Variants in SOCS1 observed in about 807,000 individuals in gnomAD.
SOCS1 encodes the protein JAK binding protein.
Under a neutral mutation model 9.7 loss-of-function variants are expected in SOCS1, and 3 were observed. The observed-to-expected ratio is 0.31, with a 90% CI of 0.14 to 0.80. SOCS1 has a LOEUF of 0.80. Ranked by LOEUF, SOCS1 falls within the 30% of genes least tolerant of loss-of-function variation. SOCS1 has a pLI of 0.61. For synonymous variants in SOCS1, 194 were observed against 150.2 expected (o/e 1.29, Z -2.13); for missense variants, 368 against 324.7 (o/e 1.13, Z -1.02).
chr16:11,254,643 C>G lies in SOCS1; in HGVS notation c.*200G>C. On this transcript the variant is annotated 3_prime_UTR_variant, in exon 2 of 2. Transcript: ENST00000332029. ...CAACCAGGGGGACCCAGAGGGAGCA[C>G]CAGGAGGGGGAGGACCCCCTCAAGA... 1 of 638,200 alleles carries G rather than the reference C, an allele frequency of 1.6e-6. No individual in the cohort carries two copies. Among genetic ancestry groups the G allele is most frequent in the Non-Finnish European group, 2.3e-6 (1 of 434,372 alleles). 39.5% of individuals were successfully genotyped at this position (638,200 alleles called of 1,614,324 possible).
In SOCS1 at chr16:11,255,354, C is replaced by G. The variant is rs1306590732; in HGVS notation, c.125G>C (p.Cys42Ser). The G allele has an allele frequency of 7.4e-7, 1 of 1,357,666 alleles. No individual in the cohort carries two copies. The highest frequency in any genetic ancestry group is 3.1e-5 in the East Asian group (1 of 32,786). 84.1% of individuals were successfully genotyped at this position (1,357,666 alleles called of 1,614,324 possible). The change falls in exon 2 of 2, where the codon TGC (cysteine) becomes TCC (serine). Residue 42 changes from cysteine to serine, a missense_variant. Coordinates refer to ENST00000332029, the MANE Select transcript of SOCS1 (RefSeq NM_003745.2). ...SPAAPARPRP[C>S]PAVPAPAPGD... ...GGGGGCCGGGGCCGGGACCGCGGGG[C>G]ACGGCCGCGGGCGCGCGGGGGCCGC...
At position 11,254,651 on chromosome 16, in the gene SOCS1, G is replaced by A; in HGVS notation, c.*192C>T. On this transcript the variant is annotated 3_prime_UTR_variant, in exon 2 of 2. Transcript: ENST00000332029. ...GGGACCCAGAGGGAGCACCAGGAGG[G>A]GGAGGACCCCCTCAAGAGGTGAGAA... 2.8e-6 allele frequency: 2 copies of A among 708,024 alleles called. No individual in the cohort carries two copies. Among genetic ancestry groups the A allele is most frequent in the South Asian group, 4.9e-5 (1 of 20,516 alleles). 43.9% of individuals were successfully genotyped at this position (708,024 alleles called of 1,614,324 possible).
chr16:11,254,641 C>G lies in SOCS1; in HGVS notation c.*202G>C. ...AACAACCAGGGGGACCCAGAGGGAG[C>G]ACCAGGAGGGGGAGGACCCCCTCAA... On this transcript the variant is annotated 3_prime_UTR_variant, in exon 2 of 2. Coordinates refer to ENST00000332029, the MANE Select transcript of SOCS1 (RefSeq NM_003745.2). 1.6e-6 allele frequency: 1 copy of G among 615,188 alleles called. No individual in the cohort carries two copies. Among genetic ancestry groups the G allele is most frequent in the Non-Finnish European group, 2.4e-6 (1 of 413,734 alleles). The allele number at this position is 615,188 out of a possible 1,614,324, so 38.1% of individuals were successfully genotyped here. A position where few individuals can be genotyped will look rare whatever the true frequency, so the allele number is the denominator to read the frequency against.
Position 11,255,437 on chromosome 16 carries a change from G to T in SOCS1, c.42C>A (p.Ser14=). Reference sequence around the variant, plus strand: ...GCCGCCGTCGGGGCTCTGCTGCTGTGGAGACTGCATTGTCGGCTGCCACCT... The same window carrying T: ...GCCGCCGTCGGGGCTCTGCTGCTGTTGAGACTGCATTGTCGGCTGCCACCT... ...HNQVAADNAV[S]TAAEPRRRPE... Residue 14 remains serine (S), a synonymous_variant, in exon 2 of 2, where the codon TCC becomes TCA. Transcript: ENST00000332029. 2 of 1,318,054 alleles carry T rather than the reference G, an allele frequency of 1.5e-6. No individual in the cohort carries two copies. 81.6% of individuals were successfully genotyped at this position (1,318,054 alleles called of 1,614,324 possible). A position where few individuals can be genotyped will look rare whatever the true frequency, so the allele number is the denominator to read the frequency against.
Position 11,255,012 on chromosome 16 carries a change from G to A in SOCS1, c.467C>T (p.Ala156Val), listed in dbSNP as rs568562022. 1.3e-6 allele frequency: 2 copies of A among 1,588,394 alleles called. No homozygotes were observed. The highest frequency in any genetic ancestry group is 1.7e-6 in the Non-Finnish European group (2 of 1,170,070). ...CLFELLEHYV[A>V]APRRMLGAPL... ...GGCCCCCAGCATGCGGCGCGGCGCC[G>A]CCACGTAGTGCTCCAGCAGCTCGAA... Residue 156 changes from alanine (A) to valine (V), a missense_variant, in exon 2 of 2, where the codon GCG (alanine) becomes GTG (valine). Ala to Val is a moderately conservative substitution (Grantham distance 64, BLOSUM62 0). Coordinates refer to ENST00000332029, the MANE Select transcript of SOCS1 (RefSeq NM_003745.2).
In SOCS1 at chr16:11,256,143, C is replaced by A. The variant is rs954474207; in HGVS notation, c.-115G>T. On this transcript the variant is annotated 5_prime_UTR_variant, in exon 1 of 2. Coordinates refer to ENST00000332029, the MANE Select transcript of SOCS1 (RefSeq NM_003745.2). ...GGGGCTCCGGGGCGCTCCGGGGCGG[C>A]TCTCGCGCATGCTCCGGGGCCAGGA... is the stretch of plus-strand genomic sequence containing the variant. 6.6e-6 allele frequency: 1 copy of A among 151,656 alleles called. No individual in the cohort carries two copies. The highest frequency in any genetic ancestry group is 1.5e-5 in the Non-Finnish European group (1 of 67,910). The allele number at this position is 151,656 out of a possible 1,614,324, so 9.4% of individuals were successfully genotyped here.
Position 11,254,764 on chromosome 16 carries a change from A to T in SOCS1, c.*79T>A. ...CCCTCCAACCCAGGCCGGGGAGGGT[A>T]CCCACATGGTTCCAGGCAAGTAATA... On this transcript the variant is annotated 3_prime_UTR_variant, in exon 2 of 2. Coordinates refer to ENST00000332029, the MANE Select transcript of SOCS1 (RefSeq NM_003745.2). 7.2e-7 allele frequency: 1 copy of T among 1,395,152 alleles called. No individual in the cohort carries two copies. Among genetic ancestry groups the T allele is most frequent in the Non-Finnish European group, 9.3e-7 (1 of 1,075,134 alleles). The allele number at this position is 1,395,152 out of a possible 1,614,324, so 86.4% of individuals were successfully genotyped here. A position where few individuals can be genotyped will look rare whatever the true frequency, so the allele number is the denominator to read the frequency against.
At chr16:11,255,764 G>A (rs1334969716) in intron 1 of SOCS1, 3 of 292,990 alleles carry the variant, frequency 1.0e-5, no homozygotes, top group Non-Finnish European at 1.9e-5. Flanking sequence ...TCCGGCCTCC[G>A]GGCAGCACCG....
rs1337614663 is a variant in SOCS1, at chr16:11,255,571, G to C, written c.-50-43C>G. 7 of 799,928 alleles carry C rather than the reference G, an allele frequency of 8.8e-6. No individual in the cohort carries two copies. The East Asian group carries it at 1.7e-4, about 19-fold the overall frequency. 49.6% of individuals were successfully genotyped at this position (799,928 alleles called of 1,614,324 possible). A position where few individuals can be genotyped will look rare whatever the true frequency, so the allele number is the denominator to read the frequency against. ...AGGTGAGCTGGGGCGCTGCGGGGCC[G>C]GGCAGGTGTGCGCCGGCCGGACAAC... On this transcript the variant is annotated intron_variant, in intron 1 of 1. Transcript: ENST00000332029.
chr16:11,256,043 C>T (rs1241159077), intron 1 of SOCS1, 36 bp downstream of exon 1: 2 of 151,696 alleles, frequency 1.3e-5, no homozygotes, highest in Non-Finnish European at 2.9e-5. Flanking sequence ...TCCCCTCCCT[C>T]CTCCCTCCCG....
In SOCS1 at chr16:11,254,801, C is replaced by T. The variant is rs754605093; in HGVS notation, c.*42G>A. 4.2e-6 allele frequency: 6 copies of T among 1,442,038 alleles called. No individual in the cohort carries two copies. Among genetic ancestry groups the T allele is most frequent in the South Asian group, 1.6e-5 (1 of 62,654 alleles). The allele number at this position is 1,442,038 out of a possible 1,614,324, so 89.3% of individuals were successfully genotyped here. On this transcript the variant is annotated 3_prime_UTR_variant, in exon 2 of 2. Transcript: ENST00000332029. Reference sequence around the variant, plus strand: ...CCAGGCAAGTAATAACAAAATAACACGGCATCCCAGTTAATGCTGCGTGCA... The same window carrying T: ...CCAGGCAAGTAATAACAAAATAACATGGCATCCCAGTTAATGCTGCGTGCA...
At chr16:11,255,828 C>A (rs1281016929) in intron 1 of SOCS1, 4 of 198,510 alleles carry the variant, frequency 2.0e-5, no homozygotes, top group Admixed American at 1.2e-4. Context: ...GGCCCCGGCT[C>A]GCCGCCCCGC....
At position 11,254,706 on chromosome 16, in the gene SOCS1, G is replaced by A; in HGVS notation, c.*137C>T. 8.1e-7 allele frequency: 1 copy of A among 1,241,142 alleles called. No homozygotes were observed. Among genetic ancestry groups the A allele is most frequent in the Non-Finnish European group, 1.0e-6 (1 of 967,268 alleles). The allele number at this position is 1,241,142 out of a possible 1,614,324, so 76.9% of individuals were successfully genotyped here. A position where few individuals can be genotyped will look rare whatever the true frequency, so the allele number is the denominator to read the frequency against. On this transcript the variant is annotated 3_prime_UTR_variant, in exon 2 of 2. Coordinates refer to ENST00000332029, the MANE Select transcript of SOCS1 (RefSeq NM_003745.2). ...TCTGCGGCCTCGTCTCCAGCCGAGG[G>A]CGGGAGGCGCCTCGCCCCTACACCC...
rs2141125054 is a variant in SOCS1 at position 11,255,255 on chromosome 16, T to A, written c.224A>T (p.Asp75Val). The A allele has an allele frequency of 6.4e-7, 1 of 1,552,710 alleles. No individual in the cohort carries two copies. Among genetic ancestry groups the A allele is most frequent in the Non-Finnish European group, 8.7e-7 (1 of 1,155,876 alleles). ...GGGCCCCCAGTAGAATCCGCAGGCGTCCAGGAGCGCGCTGGCGCGCGTGAT... is the reference window on the plus strand; with the variant it reads ...GGGCCCCCAGTAGAATCCGCAGGCGACCAGGAGCGCGCTGGCGCGCGTGAT... ...RRITRASALL[D>V]ACGFYWGPLS... Residue 75 changes from aspartate (D) to valine (V), a missense_variant, in exon 2 of 2, where the codon GAC (aspartate) becomes GTC (valine). By Grantham distance (152) the Asp-to-Val change is radical (BLOSUM62 -3). Coordinates refer to ENST00000332029, the MANE Select transcript of SOCS1 (RefSeq NM_003745.2).
rs764372287 is a variant in SOCS1 at position 11,254,897 on chromosome 16, G to C, written c.582C>G (p.Ile194Met). The change falls in exon 2 of 2, where the codon ATC becomes ATG. Residue 194 changes from isoleucine to methionine, a missense_variant. Coordinates refer to ENST00000332029, the MANE Select transcript of SOCS1 (RefSeq NM_003745.2). ...ATVGRENLAR[I>M]PLNPVLRDYL... ...AGTCGCGGAGGACGGGGTTGAGGGG[G>C]ATGCGAGCCAGGTTCTCGCGGCCCA... 1 of 1,500,880 alleles carries C rather than the reference G, an allele frequency of 6.7e-7. No individual in the cohort carries two copies. Among genetic ancestry groups the C allele is most frequent in the African/African-American group, 1.5e-5 (1 of 68,190 alleles). The allele number at this position is 1,500,880 out of a possible 1,614,324, so 93.0% of individuals were successfully genotyped here.
chr16:11,255,111 G>A lies in SOCS1; in HGVS notation c.368C>T (p.Pro123Leu), dbSNP rs1244284678. The A allele has an allele frequency of 6.2e-7, 1 of 1,609,736 alleles. No individual in the cohort carries two copies. Among genetic ancestry groups the A allele is most frequent in the Non-Finnish European group, 8.5e-7 (1 of 1,178,960 alleles). Residue 123 changes from proline to leucine, a missense_variant, in exon 2 of 2, where the codon CCC (proline) becomes CTC (leucine). Coordinates refer to ENST00000332029, the MANE Select transcript of SOCS1 (RefSeq NM_003745.2). Reference sequence around the variant, plus strand: ...CTGAAAGTGCACGCGGATGCTCGTGGGTCCCGAGGCCATCTTCACGCTAAG... The same window carrying A: ...CTGAAAGTGCACGCGGATGCTCGTGAGTCCCGAGGCCATCTTCACGCTAAG... ...FALSVKMASG[P>L]TSIRVHFQAG...
Position 11,254,594 on chromosome 16 carries a change from C to T in SOCS1, c.*249G>A, listed in dbSNP as rs1274013757. On this transcript the variant is annotated 3_prime_UTR_variant, in exon 2 of 2. Coordinates refer to ENST00000332029, the MANE Select transcript of SOCS1 (RefSeq NM_003745.2). ...GGAGGTGCGAGTTCAGGTCCTGGCT[C>T]CAGATACAGTTAAGCTGCTACAACA... The T allele has an allele frequency of 2.4e-6, 1 of 409,670 alleles. No homozygotes were observed. The highest frequency in any genetic ancestry group is 2.1e-5 in the African/African-American group (1 of 48,514). The allele number at this position is 409,670 out of a possible 1,614,324, so 25.4% of individuals were successfully genotyped here. A position where few individuals can be genotyped will look rare whatever the true frequency, so the allele number is the denominator to read the frequency against.
Position 11,255,533 on chromosome 16 carries a change from G to A in SOCS1, c.-50-5C>T, listed in dbSNP as rs2069589090. 2 of 1,129,102 alleles carry A rather than the reference G, an allele frequency of 1.8e-6. No homozygotes were observed. Among genetic ancestry groups the A allele is most frequent in the African/African-American group, 1.6e-5 (1 of 62,074 alleles). The allele number at this position is 1,129,102 out of a possible 1,614,324, so 69.9% of individuals were successfully genotyped here. A position where few individuals can be genotyped will look rare whatever the true frequency, so the allele number is the denominator to read the frequency against. On this transcript the variant is annotated splice_polypyrimidine_tract_variant and splice_region_variant and intron_variant, in intron 1 of 1. Coordinates refer to ENST00000332029, the MANE Select transcript of SOCS1 (RefSeq NM_003745.2). ...GCCATAGCGTCCGGGGGTGCGCTGC[G>A]GGAGAGACAAAGAGGTGAGCTGGGG... is the stretch of plus-strand genomic sequence containing the variant.
In SOCS1 at chr16:11,254,707, C is replaced by T. The variant is rs1227579174; in HGVS notation, c.*136G>A. ...CTGCGGCCTCGTCTCCAGCCGAGGG[C>T]GGGAGGCGCCTCGCCCCTACACCCA... On this transcript the variant is annotated 3_prime_UTR_variant, in exon 2 of 2. Coordinates refer to ENST00000332029, the MANE Select transcript of SOCS1 (RefSeq NM_003745.2). The T allele has an allele frequency of 2.4e-6, 3 of 1,235,492 alleles. No individual in the cohort carries two copies. The highest frequency in any genetic ancestry group is 2.8e-5 in the South Asian group (1 of 35,502). 76.5% of individuals were successfully genotyped at this position (1,235,492 alleles called of 1,614,324 possible). A position where few individuals can be genotyped will look rare whatever the true frequency, so the allele number is the denominator to read the frequency against.
Sources: allele counts gnomAD v4.1 joint callset, GRCh38; gene constraint gnomAD v4.1.1; transcripts MANE v1.5; gene names NCBI Gene and HGNC (gene_info 2026-07-23, HGNC 2026-07-21).